CUX1: variants seen among roughly 807,000 people sequenced by gnomAD.
The protein encoded by CUX1 is protein CASP.
Under a neutral mutation model 158.8 loss-of-function variants are expected in CUX1, and 31 were observed. The observed-to-expected ratio is 0.20, with a 90% CI of 0.15 to 0.26. The LOEUF (loss-of-function observed/expected upper bound fraction) is 0.26, where lower values mean the gene tolerates loss of function less well. CUX1 is among the 10% of genes least tolerant of loss of function. The pLI is 1.00. For missense variants in CUX1, 1,589 were observed against 2,014.6 expected, an observed-to-expected ratio of 0.79 and a Z score of 4.04; for synonymous variants, 879 against 862.1, an observed-to-expected ratio of 1.02 and a Z score of -0.34.
At chr7:101,878,975 A>G (rs1799440030) in intron 1 of CUX1, among the ~76,000 whole-genome samples, 1 of 152,180 alleles carries the variant, frequency 6.6e-6, no homozygotes, top group Non-Finnish European at 1.5e-5. Context: ...CCCAGTCACG[A>G]GATCTTAAAG....
At chr7:102,214,856 TA>T (rs1554524107) in intron 20 of CUX1, among the ~76,000 whole-genome samples, 5 of 152,262 alleles carry the variant, frequency 3.3e-5, no homozygotes, top group Non-Finnish European at 7.3e-5. Context: ...GATTCCTAAA[TA>T]TAGCCCGAGT....
At chr7:102,260,575 T>C, downstream of CUX1, among the ~76,000 whole-genome samples, 1 of 55,984 alleles carries the variant, frequency 1.8e-5, no homozygotes, top group Non-Finnish European at 4.2e-5. Context: ...CCTGGCTTTT[T>C]TTTTTTTTTT....
chr7:101,975,975 T>C (rs1297247987), intron 2 of CUX1, among the ~76,000 whole-genome samples: 2 of 152,120 alleles, frequency 1.3e-5, no homozygotes. Flanking sequence ...ACCCCGTCTC[T>C]ACTAAAATTA....
chr7:102,070,941 ATTTT>A (rs957447345), intron 4 of CUX1, among the ~76,000 whole-genome samples: 11 of 87,146 alleles, frequency 1.3e-4, no homozygotes, highest in African/African-American at 3.8e-4. Context: ...TGTTTCTTTT[ATTTT>A]TTTTTTCTAA....
intron 8 of CUX1, among the ~76,000 whole-genome samples, chr7:102,145,675 G>A (rs1342390677): frequency 6.6e-5 from 10 of 151,986 alleles, no homozygotes; most frequent in Admixed American, 1.3e-4. Flanking sequence ...GGCCGGGCGC[G>A]GTGGCTCACG....
At chr7:101,847,576 C>T (rs556933343) in intron 1 of CUX1, among the ~76,000 whole-genome samples, 8 of 152,230 alleles carry the variant, frequency 5.3e-5, no homozygotes, top group South Asian at 2.1e-4. Flanking sequence ...TGAGACTCAA[C>T]GTATGGCAGT....
At chr7:102,063,464 C>G (rs998268611) in intron 3 of CUX1, among the ~76,000 whole-genome samples, 7 of 139,978 alleles carry the variant, frequency 5.0e-5, no homozygotes, top group Admixed American at 3.8e-4. Context: ...TCTTGGCTCA[C>G]TGCAAGCGCG....
intron 18 of CUX1, among the ~76,000 whole-genome samples, chr7:102,203,804 G>A (rs1353895839): frequency 2.0e-5 from 3 of 152,116 alleles, no homozygotes; most frequent in Non-Finnish European, 4.4e-5. Context: ...CACGCAACTC[G>A]GCAATCATCT....
chr7:102,183,791 G>A (rs1160703047), intron 11 of CUX1, among the ~76,000 whole-genome samples: 5 of 152,294 alleles, frequency 3.3e-5, no homozygotes, highest in African/African-American at 9.6e-5. Flanking sequence ...CTGCCCCCAC[G>A]GTCAGAATTT....
At chr7:101,821,900 G>A (rs1792673910) in intron 1 of CUX1, among the ~76,000 whole-genome samples, 1 of 143,594 alleles carries the variant, frequency 7.0e-6, no homozygotes, top group Non-Finnish European at 1.5e-5. Context: ...TGTGGCCCAG[G>A]CTGGAGTGCA....
At chr7:102,066,241 C>T (rs1034410408) in intron 3 of CUX1, among the ~76,000 whole-genome samples, 7 of 152,116 alleles carry the variant, frequency 4.6e-5, no homozygotes, top group Non-Finnish European at 8.8e-5. Context: ...CTTCATCGCT[C>T]TGTGACATCC....
chr7:102,105,149 C>T (rs1484169667), intron 6 of CUX1, among the ~76,000 whole-genome samples: 1 of 151,274 alleles, frequency 6.6e-6, no homozygotes, highest in East Asian at 1.9e-4. Context: ...CTCTTTCTGC[C>T]TTCTCAAGCA....
rs371174192 is a variant in CUX1 at position 102,104,313 on chromosome 7, GT to G, written c.407-12del. On this transcript the variant is annotated intron_variant, in intron 5 of 23. Transcript: ENST00000292535. The stretch of plus-strand genomic sequence containing the variant: ...GAATTGTATGCTTCTCTTACTGTAG[GT>G]TTTTTTTTTTCTTTTCTGCAGAGGT... The G allele has an allele frequency of 1.4e-3, 1,899 of 1,374,714 alleles. No homozygotes were observed. Among genetic ancestry groups the G allele is most frequent in the East Asian group, 7.5e-3 (255 of 33,884 alleles). 85.2% of individuals were successfully genotyped at this position (1,374,714 alleles called of 1,614,324 possible).
In CUX1 at chr7:102,253,020, T is replaced by C. The variant is rs1194012807; in HGVS notation, c.*3978T>C. On this transcript the variant is annotated 3_prime_UTR_variant, in exon 24 of 24. Transcript: ENST00000292535. ...GACCCACCATCAAAACCTGCTACTT[T>C]GTGCAAGTAATTGAGGCAAAAGATA... 3.0e-6 allele frequency: 3 copies of C among 985,332 alleles called. No homozygotes were observed. In the African/African-American group the frequency reaches 5.2e-5, roughly 17 times the overall value. The allele number at this position is 985,332 out of a possible 1,614,324, so 61.0% of individuals were successfully genotyped here.
chr7:102,041,180 C>T (rs934570790), intron 3 of CUX1, among the ~76,000 whole-genome samples: 1 of 149,834 alleles, frequency 6.7e-6, no homozygotes, highest in Non-Finnish European at 1.5e-5. Flanking sequence ...GTGGTGGCAC[C>T]AGCTACTTGG....
At chr7:102,050,676 G>T (rs1823385700) in intron 3 of CUX1, among the ~76,000 whole-genome samples, 1 of 146,138 alleles carries the variant, frequency 6.8e-6, no homozygotes, top group Admixed American at 6.8e-5. Flanking sequence ...TAGACCCTGT[G>T]AATTCTTTTT....
rs1168211826 is a variant in CUX1 at position 102,249,399 on chromosome 7, C to G, written c.*357C>G. The G allele has an allele frequency of 2.0e-6, 2 of 990,040 alleles. No homozygotes were observed. Among genetic ancestry groups the G allele is most frequent in the Admixed American group, 6.1e-5 (1 of 16,378 alleles). 61.3% of individuals were successfully genotyped at this position (990,040 alleles called of 1,614,324 possible). On this transcript the variant is annotated 3_prime_UTR_variant, in exon 24 of 24. Transcript: ENST00000292535. Reference sequence around the variant, plus strand: ...CATAGGCCAAGGTGCATATAGAAAACAAAGGAGCATTAAGCCCAATCTATG... The same window carrying G: ...CATAGGCCAAGGTGCATATAGAAAAGAAAGGAGCATTAAGCCCAATCTATG...
At position 101,823,975 on chromosome 7, in the gene CUX1, C is replaced by T. The variant is rs574029739; in HGVS notation, c.30+6306C>T. On this transcript the variant is annotated intron_variant, in intron 1 of 23. Coordinates refer to ENST00000292535, the MANE Select transcript of CUX1 (RefSeq NM_181552.4). ...CAACACAAAAGCTTCTTTCCATTTC[C>T]CCCCAAAAGCAAGACAATTTTTCTT... 3.9e-5 allele frequency among the ~76,000 whole-genome samples: 6 copies of T among 152,310 alleles called. 1 individual carries two copies. The highest frequency in any genetic ancestry group is 2.0e-4 in the Admixed American group (3 of 15,294).
chr7:101,958,486 T>TC (rs1356772611), intron 2 of CUX1, among the ~76,000 whole-genome samples: 3 of 145,588 alleles, frequency 2.1e-5, no homozygotes, highest in Non-Finnish European at 3.0e-5. Flanking sequence ...TTTCTTTTTT[T>TC]TTTTTTTTTT....
Sources: gnomAD v4.1 joint callset for allele counts (sites outside exome capture counted in the v4.1 genomes callset) on GRCh38, gnomAD v4.1.1 for gene constraint, MANE v1.5 for transcripts, NCBI Gene and HGNC (gene_info 2026-07-23, HGNC 2026-07-21) for gene names.